CDH4: variants seen among roughly 807,000 people sequenced by gnomAD.
CDH4 encodes cadherin-4.
CDH4 carries 33 observed loss-of-function variants against 86.0 expected under a neutral mutation model. The ratio of observed to expected loss-of-function variants is 0.38; its 90% CI spans 0.29 to 0.51. The LOEUF (loss-of-function observed/expected upper bound fraction) is 0.51. CDH4 is among the 20% of genes least tolerant of loss of function. The pLI is 0.86. For missense variants in CDH4, 1,114 were observed against 1,307.4 expected (o/e 0.85, Z 2.28); for synonymous variants, 555 against 549.4 (o/e 1.01, Z -0.14).
At chr20:61,934,725 TCCCCA>T (rs372679651) in intron 15 of CDH4, among the ~76,000 whole-genome samples, 1,437 of 77,874 alleles carry the variant, frequency 0.018, 25 homozygotes, top group African/African-American at 0.063. Flanking sequence ...TTGCCCCCCC[TCCCCA>T]CCCCACCCCA....
chr20:61,337,965 C>T (rs193288003), intron 2 of CDH4, among the ~76,000 whole-genome samples: 23 of 152,206 alleles, frequency 1.5e-4, no homozygotes, highest in Non-Finnish European at 2.9e-4. Context: ...ATAGCATTTA[C>T]AGTTTTCTTA....
intron 9 of CDH4, among the ~76,000 whole-genome samples, chr20:61,918,148 G>A (rs1378571981): frequency 3.9e-5 from 6 of 152,248 alleles, no homozygotes; most frequent in Admixed American, 3.9e-4. Context: ...GGTGCAGGCA[G>A]GTGCTGGGAG....
chr20:61,477,825 A>G (rs927579330), intron 2 of CDH4, among the ~76,000 whole-genome samples: 22 of 152,308 alleles, frequency 1.4e-4, no homozygotes, highest in African/African-American at 5.3e-4. Flanking sequence ...GGAACAGCTC[A>G]TGATCCCGTT....
intron 2 of CDH4, among the ~76,000 whole-genome samples, chr20:61,545,430 C>T (rs550103843): frequency 3.3e-5 from 5 of 152,326 alleles, no homozygotes; most frequent in Admixed American, 2.0e-4. Context: ...CAGTCTGTCA[C>T]GGGAAGGACG....
chr20:61,867,725 G>A (rs1374270757), intron 6 of CDH4, among the ~76,000 whole-genome samples: 2 of 152,144 alleles, frequency 1.3e-5, no homozygotes, highest in African/African-American at 4.8e-5. Context: ...GGCGAGCAGA[G>A]GAGGGCACCA....
intron 2 of CDH4, among the ~76,000 whole-genome samples, chr20:61,670,031 T>C (rs1328509246): frequency 6.6e-6 from 1 of 152,064 alleles, no homozygotes; most frequent in Non-Finnish European, 1.5e-5. Flanking sequence ...CTAATGAGTA[T>C]GAGGAATGCA....
At chr20:61,764,274 C>G (rs532140426) in intron 3 of CDH4, among the ~76,000 whole-genome samples, 1 of 152,212 alleles carries the variant, frequency 6.6e-6, no homozygotes, top group South Asian at 2.1e-4. Flanking sequence ...GCACCTTGCC[C>G]GTGAACCCCG....
At chr20:61,268,704 T>C (rs2084169140) in intron 2 of CDH4, among the ~76,000 whole-genome samples, 1 of 152,102 alleles carries the variant, frequency 6.6e-6, no homozygotes, top group Admixed American at 6.5e-5. Flanking sequence ...CTCTCATTGC[T>C]CTTGCTTCCA....
At chr20:61,271,781 C>G (rs1049754139) in intron 2 of CDH4, among the ~76,000 whole-genome samples, 4 of 152,204 alleles carry the variant, frequency 2.6e-5, no homozygotes, top group African/African-American at 9.7e-5. Context: ...ACGCCATGGT[C>G]CTGGTTTTGC....
At chr20:61,919,262 T>C (rs144656430) in intron 9 of CDH4, among the ~76,000 whole-genome samples, 215 of 152,308 alleles carry the variant, frequency 1.4e-3, no homozygotes, top group African/African-American at 5.1e-3. Context: ...CATACCAGAT[T>C]ATGTGGTTGT....
At chr20:61,503,170 A>T (rs1600716212) in intron 2 of CDH4, among the ~76,000 whole-genome samples, 1 of 152,148 alleles carries the variant, frequency 6.6e-6, no homozygotes, top group Non-Finnish European at 1.5e-5. Flanking sequence ...TTGTGGATGG[A>T]ACAACTGGCT....
chr20:61,559,609 C>G (rs2086202049), intron 2 of CDH4, among the ~76,000 whole-genome samples: 1 of 145,622 alleles, frequency 6.9e-6, no homozygotes, highest in African/African-American at 2.6e-5. Context: ...ACTGCAGCCT[C>G]CCAGGTTCAA....
intron 2 of CDH4, among the ~76,000 whole-genome samples, chr20:61,408,373 G>C (rs1259617291): frequency 6.6e-6 from 1 of 152,112 alleles, no homozygotes; most frequent in Non-Finnish European, 1.5e-5. Context: ...GATGAGGGGA[G>C]TGTTCTGGGG....
At chr20:61,319,721 G>T (rs2084497626) in intron 2 of CDH4, among the ~76,000 whole-genome samples, 1 of 151,836 alleles carries the variant, frequency 6.6e-6, no homozygotes, top group African/African-American at 2.4e-5. Context: ...GGAGGTGGAT[G>T]GATCACTTGA....
intron 6 of CDH4, among the ~76,000 whole-genome samples, chr20:61,862,197 G>A (rs928143325): frequency 6.6e-6 from 1 of 152,100 alleles, no homozygotes; most frequent in African/African-American, 2.4e-5. Flanking sequence ...CTTGACACCC[G>A]GAGAGTCACT....
chr20:61,265,576 A>C (rs2084154370), intron 2 of CDH4, among the ~76,000 whole-genome samples: 1 of 152,036 alleles, frequency 6.6e-6, no homozygotes, highest in Non-Finnish European at 1.5e-5. Flanking sequence ...TCTTACACGG[A>C]CCTCAGTGGC....
chr20:61,901,258 C>T (rs1458775095), intron 8 of CDH4, among the ~76,000 whole-genome samples: 1 of 152,152 alleles, frequency 6.6e-6, no homozygotes, highest in East Asian at 1.9e-4. Flanking sequence ...GGGGCAGGGC[C>T]TGCAACTTCC....
At chr20:61,833,854 G>A (rs1455459679) in intron 4 of CDH4, among the ~76,000 whole-genome samples, 1 of 152,216 alleles carries the variant, frequency 6.6e-6, no homozygotes, top group African/African-American at 2.4e-5. Flanking sequence ...TCCAGATGAG[G>A]AGATAAAACC....
At chr20:61,498,829 C>T (rs970787809) in intron 2 of CDH4, among the ~76,000 whole-genome samples, 3 of 152,264 alleles carry the variant, frequency 2.0e-5, no homozygotes, top group South Asian at 2.1e-4. Context: ...CATTCGAAGC[C>T]GTCCTGGGCC....
Sources: gnomAD v4.1 joint callset for allele counts (sites outside exome capture counted in the v4.1 genomes callset) on GRCh38, gnomAD v4.1.1 for gene constraint, MANE v1.5 for transcripts, NCBI Gene and HGNC (gene_info 2026-07-23, HGNC 2026-07-21) for gene names.